The following DSN1 variants were observed in gnomAD, a reference collection of about 807,000 sequenced individuals.
The protein encoded by DSN1 is DSN1 component of MIS12 kinetochore complex.
A neutral mutation model predicts 45.7 loss-of-function variants in DSN1; 31 were observed. That is an observed-to-expected ratio of 0.68 (90% confidence interval 0.51 to 0.92). The LOEUF is 0.92. Among genes scored for constraint, DSN1 ranks in the 40% least tolerant of loss-of-function variants. The pLI, the probability that DSN1 is intolerant of heterozygous loss-of-function variation, is 0.00. For synonymous variants in DSN1, 134 were observed against 142.3 expected (o/e 0.94, Z 0.41); for missense variants, 394 against 414.2 (o/e 0.95, Z 0.42).
intron 5 of DSN1, among the ~76,000 whole-genome samples, chr20:36,763,637 C>T (rs1241767416): frequency 2.0e-4 from 30 of 151,464 alleles, no homozygotes; most frequent in Admixed American, 1.6e-3. Flanking sequence ...GCCTATAATC[C>T]CAGCACTTTG....
intron 5 of DSN1, among the ~76,000 whole-genome samples, chr20:36,763,504 C>T (rs765411363): frequency 8.7e-5 from 13 of 150,274 alleles, no homozygotes; most frequent in Non-Finnish European, 4.4e-5. Flanking sequence ...CATAGCCGGG[C>T]ATAGTGCTTG....
At chr20:36,759,428 T>A (rs2148264712) in intron 6 of DSN1, among the ~76,000 whole-genome samples, 1 of 152,264 alleles carries the variant, frequency 6.6e-6, no homozygotes, top group Middle Eastern at 3.4e-3. Flanking sequence ...CTTACATAAT[T>A]TTTGTCTTTC....
chr20:36,764,098 A>G (rs533559724), intron 5 of DSN1, among the ~76,000 whole-genome samples: 1 of 151,882 alleles, frequency 6.6e-6, no homozygotes, highest in South Asian at 2.1e-4. Context: ...GCACATGCCT[A>G]TAGTTCCAGC....
rs1047533529 is a variant in DSN1, at chr20:36,772,579, C to G, written c.-16+1083G>C. Reference sequence around the variant, plus strand: ...TGCTGGGATTACAGGCCTGAGCCACCACACCCGGCCCAGTCTATTCTTCAG... The same window carrying G: ...TGCTGGGATTACAGGCCTGAGCCACGACACCCGGCCCAGTCTATTCTTCAG... On this transcript the variant is annotated intron_variant, in intron 1 of 10. Transcript: ENST00000373750. Among the ~76,000 whole-genome samples, 6 of 152,316 alleles carry G rather than the reference C, an allele frequency of 3.9e-5. No homozygotes were observed. The East Asian group carries it at 5.8e-4, about 15-fold the overall frequency.
intron 8 of DSN1, among the ~76,000 whole-genome samples, 180 bp downstream of exon 8, chr20:36,757,907 C>T (rs982002309): frequency 4.6e-5 from 7 of 152,228 alleles, no homozygotes; most frequent in African/African-American, 1.7e-4. Flanking sequence ...ACCAACTCTT[C>T]CTTCCTCTCA....
intron 3 of DSN1, among the ~76,000 whole-genome samples, chr20:36,770,182 A>G (rs1459395668): frequency 6.6e-6 from 1 of 152,032 alleles, no homozygotes; most frequent in African/African-American, 2.4e-5. Flanking sequence ...CTCTTGCCTC[A>G]GCCTCTCTCC....
At chr20:36,754,384 T>C (rs1986556468) in intron 10 of DSN1, among the ~76,000 whole-genome samples, 1 of 151,814 alleles carries the variant, frequency 6.6e-6, no homozygotes, top group African/African-American at 2.4e-5. Flanking sequence ...AATGAAGGTA[T>C]GTATAGCCAA....
At chr20:36,762,774 C>CA (rs1987071314) in intron 5 of DSN1, among the ~76,000 whole-genome samples, 1 of 151,990 alleles carries the variant, frequency 6.6e-6, no homozygotes, top group Non-Finnish European at 1.5e-5. Context: ...TTTATTTAGA[C>CA]AGACTCTCGC....
chr20:36,770,666 C>A (rs1434284371), intron 3 of DSN1, among the ~76,000 whole-genome samples: 5 of 152,150 alleles, frequency 3.3e-5, no homozygotes. Flanking sequence ...CAAGTCCAGC[C>A]TAGACAAAAC....
At chr20:36,758,521 A>T (rs1277189697) in intron 7 of DSN1, 37 bp downstream of exon 7, 1 of 1,564,010 alleles carries the variant, frequency 6.4e-7, no homozygotes, top group Admixed American at 1.8e-5. Context: ...CCCAGATGGG[A>T]GAACGAATTT....
chr20:36,767,331 G>GA (rs1987400373), intron 4 of DSN1, among the ~76,000 whole-genome samples: 1 of 147,880 alleles, frequency 6.8e-6, no homozygotes, highest in African/African-American at 2.6e-5. Flanking sequence ...AACAAACAAA[G>GA]AAAAAACAAA....
At chr20:36,762,231 C>T (rs1028634499) in intron 6 of DSN1, among the ~76,000 whole-genome samples, 1 of 150,960 alleles carries the variant, frequency 6.6e-6, no homozygotes, top group Non-Finnish European at 1.5e-5. Context: ...CTCAGCCTCC[C>T]GAGTAGTTGG....
chr20:36,762,180 C>T (rs1195324627), intron 6 of DSN1, among the ~76,000 whole-genome samples: 1 of 142,458 alleles, frequency 7.0e-6, no homozygotes, highest in Non-Finnish European at 1.5e-5. Context: ...GATCTTGGCT[C>T]ATTGCAAGCT....
Position 36,752,822 on chromosome 20 carries a change from G to C in DSN1, c.1037C>G (p.Ala346Gly). Residue 346 changes from alanine to glycine, a missense_variant, in exon 11 of 11, where the codon GCC becomes GGC. Physicochemically the swap from Ala to Gly is moderately conservative, Grantham distance 60. Transcript: ENST00000373750. Reference sequence around the variant, plus strand: ...AGATCCAGATCCAGATCCATGTATGGCAGGTGGGTTCTGTAGCTGAAGCTT... The same window carrying C: ...AGATCCAGATCCAGATCCATGTATGCCAGGTGGGTTCTGTAGCTGAAGCTT... ...LLKLQLQNPP[A>G]IHGSGSGSCQ The C allele has an allele frequency of 6.2e-7, 1 of 1,614,184 alleles. No homozygotes were observed. The highest frequency in any genetic ancestry group is 8.5e-7 in the Non-Finnish European group (1 of 1,180,030).
At chr20:36,762,569 T>C (rs747910247) in intron 5 of DSN1, 21 bp from the exon 6 acceptor site, 5 of 1,603,300 alleles carry the variant, frequency 3.1e-6, no homozygotes, top group Non-Finnish European at 4.3e-6. Flanking sequence ...CAAATTTACG[T>C]GTCATAAAAT....
At chr20:36,766,915 G>T in intron 4 of DSN1, 74 bp from the exon 5 acceptor site, 1 of 1,016,346 alleles carries the variant, frequency 9.8e-7, no homozygotes, top group Non-Finnish European at 1.5e-6. Flanking sequence ...GTCATTTTAT[G>T]ATGTTTAATA....
chr20:36,770,757 G>T, intron 3 of DSN1, 116 bp downstream of exon 3: 1 of 1,155,912 alleles, frequency 8.7e-7, no homozygotes, highest in Non-Finnish European at 1.2e-6. Context: ...TTATAAAGTA[G>T]CAAGTCATGT....
intron 9 of DSN1, among the ~76,000 whole-genome samples, chr20:36,755,433 C>T (rs1290336436): frequency 2.0e-5 from 3 of 151,994 alleles, no homozygotes; most frequent in Non-Finnish European, 4.4e-5. Flanking sequence ...CTTCAATAAC[C>T]TTGCTATATA....
intron 3 of DSN1, among the ~76,000 whole-genome samples, chr20:36,768,942 T>C (rs1321608942): frequency 1.3e-5 from 2 of 152,128 alleles, no homozygotes; most frequent in Non-Finnish European, 2.9e-5. Context: ...TAACTAACAT[T>C]TGTTGAACAC....
Sources: gnomAD v4.1 joint callset for allele counts (sites outside exome capture counted in the v4.1 genomes callset) on GRCh38, gnomAD v4.1.1 for gene constraint, MANE v1.5 for transcripts, NCBI Gene and HGNC (gene_info 2026-07-23, HGNC 2026-07-21) for gene names.